NEURL1B: variants seen among roughly 807,000 people sequenced by gnomAD.
NEURL1B encodes the protein neuralized E3 ubiquitin protein ligase 1B.
Under a neutral mutation model 37.4 loss-of-function variants are expected in NEURL1B, and 13 were observed. The ratio of observed to expected loss-of-function variants is 0.35; its 90% CI spans 0.23 to 0.55. The LOEUF is 0.55. Ranked by LOEUF, NEURL1B falls within the 20% of genes least tolerant of loss-of-function variation. NEURL1B has a pLI of 0.89. For synonymous variants in NEURL1B, 432 were observed against 426.6 expected (o/e 1.01, Z -0.16); for missense variants, 790 against 879.2 (o/e 0.90, Z 1.28).
At chr5:172,681,565 G>A (rs953691555) in intron 2 of NEURL1B, among the ~76,000 whole-genome samples, 12 of 152,300 alleles carry the variant, frequency 7.9e-5, no homozygotes, top group African/African-American at 2.4e-4. Context: ...GGCCACCTCA[G>A]GCACATCAAG....
rs774817741 is a variant in NEURL1B, at chr5:172,689,702, G to A, written c.*2777G>A. On this transcript the variant is annotated 3_prime_UTR_variant, in exon 5 of 5. Transcript: ENST00000369800. ...TGCTGCCACATCCCACACTCCCACT[G>A]CCTGGCTCCAAGTCCCAGGAAGCTC... The A allele has an allele frequency of 1.1e-4, 17 of 152,190 alleles. No individual in the cohort carries two copies. The highest frequency in any genetic ancestry group is 1.9e-4 in the Non-Finnish European group (13 of 68,044). The allele number at this position is 152,190 out of a possible 1,614,324, so 9.4% of individuals were successfully genotyped here. A position where few individuals can be genotyped will look rare whatever the true frequency, so the allele number is the denominator to read the frequency against.
intron 1 of NEURL1B, among the ~76,000 whole-genome samples, chr5:172,651,318 T>G (rs1001102934): frequency 6.6e-6 from 1 of 152,214 alleles, no homozygotes; most frequent in African/African-American, 2.4e-5. Context: ...TTGCATCAAC[T>G]TACAGATACA....
intron 1 of NEURL1B, among the ~76,000 whole-genome samples, chr5:172,655,805 T>C (rs1453706543): frequency 6.6e-6 from 1 of 151,890 alleles, no homozygotes; most frequent in Non-Finnish European, 1.5e-5. Flanking sequence ...TTCTAACCCT[T>C]GAGGCTGCCA....
chr5:172,672,522 A>C (rs1336181412), intron 2 of NEURL1B, among the ~76,000 whole-genome samples: 3 of 143,758 alleles, frequency 2.1e-5, no homozygotes, highest in Non-Finnish European at 4.5e-5. Context: ...AGATTGCATA[A>C]ATCTGTGAGG....
intron 1 of NEURL1B, among the ~76,000 whole-genome samples, chr5:172,666,433 G>A (rs80069325): frequency 2.0e-5 from 3 of 152,292 alleles, no homozygotes; most frequent in East Asian, 3.9e-4. Flanking sequence ...CTGAATGTGC[G>A]GTGATTCTAT....
rs1758086003 is a variant in NEURL1B, at chr5:172,669,832, C to T, written c.79C>T (p.Pro27Ser). The T allele has an allele frequency of 1.5e-6, 2 of 1,341,052 alleles. No homozygotes were observed. Among genetic ancestry groups the T allele is most frequent in the Admixed American group, 8.2e-5 (2 of 24,260 alleles). 83.1% of individuals were successfully genotyped at this position (1,341,052 alleles called of 1,614,324 possible). Residue 27 changes from proline to serine, a missense_variant, in exon 2 of 5, where the codon CCC becomes TCC. By Grantham distance (74) the Pro-to-Ser change is moderately conservative. Coordinates refer to ENST00000369800, the MANE Select transcript of NEURL1B (RefSeq NM_001142651.3). Reference sequence around the variant, plus strand: ...CCTGGCCACCCGGCCGTGCTGCGGCCCCGGCCCCGAGCGACGCCCGGTCCT... The same window carrying T: ...CCTGGCCACCCGGCCGTGCTGCGGCTCCGGCCCCGAGCGACGCCCGGTCCT... ...RLLATRPCCG[P>S]GPERRPVLGE...
At chr5:172,668,716 G>A (rs186900251) in intron 1 of NEURL1B, among the ~76,000 whole-genome samples, 7 of 152,286 alleles carry the variant, frequency 4.6e-5, no homozygotes, top group Non-Finnish European at 1.0e-4. Context: ...GCTGCTGTGC[G>A]AAGAGCAGCA....
At position 172,676,076 on chromosome 5, in the gene NEURL1B, G is replaced by A. The variant is rs1758227393; in HGVS notation, c.577+5746G>A. ...AGATTGAAAAAGCAATGCCAGTCGG[G>A]GGTCATGGCATAGCAGACCATATTG... On this transcript the variant is annotated intron_variant, in intron 2 of 4. Transcript: ENST00000369800. This position sits in a 1 kb window ranked among gnomAD's most constrained non-coding sequence, Gnocchi z 4.5. Among the ~76,000 whole-genome samples the A allele has an allele frequency of 6.6e-6, 1 of 151,944 alleles. No homozygotes were observed. The highest frequency in any genetic ancestry group is 2.4e-5 in the African/African-American group (1 of 41,346).
At chr5:172,671,914 C>CA in intron 2 of NEURL1B, among the ~76,000 whole-genome samples, 1 of 152,246 alleles carries the variant, frequency 6.6e-6, no homozygotes, top group Non-Finnish European at 1.5e-5. Context: ...TCACATAGAC[C>CA]TCTGTTCTAG....
intron 1 of NEURL1B, among the ~76,000 whole-genome samples, chr5:172,643,318 A>G (rs1290129199): frequency 6.6e-6 from 1 of 152,032 alleles, no homozygotes; most frequent in Non-Finnish European, 1.5e-5. Flanking sequence ...TTGTTTTCCG[A>G]CCTACCAGTA....
chr5:172,684,278 A>G, intron 3 of NEURL1B, 140 bp downstream of exon 3: 1 of 730,756 alleles, frequency 1.4e-6, no homozygotes, highest in East Asian at 4.1e-5. Context: ...CCCAACTTTA[A>G]GCGCCCGGGC....
chr5:172,686,299 A>G lies in NEURL1B; in HGVS notation c.1423+3A>G, dbSNP rs1449093321. ...CTCGGCATCTGAGTCATCCCTGGGT[A>G]AGGAAATGCAAACCCTGGCAGGGGC... is the stretch of plus-strand genomic sequence containing the variant. On this transcript the variant is annotated splice_donor_region_variant and intron_variant, in intron 4 of 4. Transcript: ENST00000369800. The surrounding 1 kb of genome is among the most constrained non-coding windows in gnomAD (Gnocchi z 7.9). The G allele has an allele frequency of 6.4e-7, 1 of 1,551,584 alleles. No individual in the cohort carries two copies.
At chr5:172,678,569 TG>T (rs1330277126) in intron 2 of NEURL1B, among the ~76,000 whole-genome samples, 9 of 150,822 alleles carry the variant, frequency 6.0e-5, no homozygotes. Flanking sequence ...ACCACCCCCT[TG>T]GTTGGCCATT....
rs114966455 is a variant in NEURL1B, at chr5:172,654,681, G to T, written c.31+13244G>T. Among the ~76,000 whole-genome samples the T allele has an allele frequency of 4.8e-3, 721 of 149,522 alleles. 6 individuals carry two copies. Among genetic ancestry groups the T allele is most frequent in the Non-Finnish European group, 8.3e-3 (561 of 67,732 alleles). On this transcript the variant is annotated intron_variant, in intron 1 of 4. Transcript: ENST00000369800. The stretch of plus-strand genomic sequence containing the variant: ...TCTACTTTTTTCTGTTAGCAAAGCC[G>T]TTGCCACTACAGATTGAATGTATTT...
rs528678548 is a variant in NEURL1B, at chr5:172,647,611, G to A, written c.31+6174G>A. Among the ~76,000 whole-genome samples, 26 of 152,168 alleles carry A rather than the reference G, an allele frequency of 1.7e-4. No homozygotes were observed. The highest frequency in any genetic ancestry group is 6.3e-4 in the African/African-American group (26 of 41,484). On this transcript the variant is annotated intron_variant, in intron 1 of 4. Transcript: ENST00000369800. This position sits in a 1 kb window ranked among gnomAD's most constrained non-coding sequence, Gnocchi z 4.2. The stretch of plus-strand genomic sequence containing the variant: ...CCTTGTCCTCGTCCTGAGCACCTGA[G>A]CCCCACCCTTATTGCAGGTGCACTC...
chr5:172,661,898 C>T lies in NEURL1B; in HGVS notation c.32-7887C>T, dbSNP rs759892471. On this transcript the variant is annotated intron_variant, in intron 1 of 4. Coordinates refer to ENST00000369800, the MANE Select transcript of NEURL1B (RefSeq NM_001142651.3). The surrounding 1 kb of genome is among the most constrained non-coding windows in gnomAD (Gnocchi z 4.0). ...GGGATGGCACAAGGCGCATTTAGGA[C>T]GCCTGCTGGCATAGTTTAAAAATAG... is the stretch of plus-strand genomic sequence containing the variant. Among the ~76,000 whole-genome samples the T allele has an allele frequency of 2.0e-5, 3 of 152,188 alleles. No individual in the cohort carries two copies. Among genetic ancestry groups the T allele is most frequent in the Admixed American group, 6.5e-5 (1 of 15,276 alleles).
rs1757585692 is a variant in NEURL1B at position 172,647,737 on chromosome 5, A to G, written c.31+6300A>G. 6.6e-6 allele frequency among the ~76,000 whole-genome samples: 1 copy of G among 151,194 alleles called. No individual in the cohort carries two copies. Among genetic ancestry groups the G allele is most frequent in the African/African-American group, 2.4e-5 (1 of 41,288 alleles). ...CCCGCCCACCTCACCCCAGGCCTGTAGACTCTGGAACTCAAAAGCTGGATG... is the reference window on the plus strand; with the variant it reads ...CCCGCCCACCTCACCCCAGGCCTGTGGACTCTGGAACTCAAAAGCTGGATG... On this transcript the variant is annotated intron_variant, in intron 1 of 4. Coordinates refer to ENST00000369800, the MANE Select transcript of NEURL1B (RefSeq NM_001142651.3). The surrounding 1 kb of genome is among the most constrained non-coding windows in gnomAD (Gnocchi z 4.2).
At chr5:172,651,344 C>T (rs552106697) in intron 1 of NEURL1B, among the ~76,000 whole-genome samples, 1 of 152,232 alleles carries the variant, frequency 6.6e-6, no homozygotes, top group African/African-American at 2.4e-5. Context: ...TGACATAGCA[C>T]CTGACAAGAA....
chr5:172,675,424 A>G lies in NEURL1B; in HGVS notation c.577+5094A>G, dbSNP rs1325381683. ...GGGTGCATTGTCTCAGGGCTGCTCTATGCTTGTTTAATGGTCTCTGGGGTA... is the reference window on the plus strand; with the variant it reads ...GGGTGCATTGTCTCAGGGCTGCTCTGTGCTTGTTTAATGGTCTCTGGGGTA... On this transcript the variant is annotated intron_variant, in intron 2 of 4. Transcript: ENST00000369800. This position sits in a 1 kb window ranked among gnomAD's most constrained non-coding sequence, Gnocchi z 4.7. 6.6e-6 allele frequency among the ~76,000 whole-genome samples: 1 copy of G among 152,024 alleles called. No homozygotes were observed.
Sources: gnomAD v4.1 joint callset for allele counts (sites outside exome capture counted in the v4.1 genomes callset) on GRCh38, gnomAD v4.1.1 for gene constraint, Gnocchi (gnomAD v3.1) non-coding constraint, MANE v1.5 for transcripts, NCBI Gene and HGNC (gene_info 2026-07-23, HGNC 2026-07-21) for gene names.